ANGPT2: variants seen among roughly 807,000 people sequenced by gnomAD.
ANGPT2 encodes angiopoietin-2.
Under a neutral mutation model 62.9 loss-of-function variants are expected in ANGPT2, and 28 were observed. The ratio of observed to expected loss-of-function variants is 0.44; its 90% confidence interval spans 0.33 to 0.61. The LOEUF is 0.61. Ranked by LOEUF, ANGPT2 falls within the 20% of genes least tolerant of loss-of-function variation. The pLI is 0.03. For synonymous variants in ANGPT2, 284 were observed against 207.8 expected, an observed-to-expected ratio of 1.37 and a Z score of -3.15; for missense variants, 727 against 594.9, an observed-to-expected ratio of 1.22 and a Z score of -2.31.
intron 1 of ANGPT2, among the ~76,000 whole-genome samples, chr8:6,547,073 G>GAAGA (rs1822730413): frequency 6.6e-6 from 1 of 152,010 alleles, no homozygotes; most frequent in Admixed American, 6.6e-5. Context: ...TTGCCTTCGG[G>GAAGA]CTAATGCGTT....
chr8:6,540,977 G>A (rs780685075), intron 1 of ANGPT2, among the ~76,000 whole-genome samples: 1 of 152,260 alleles, frequency 6.6e-6, no homozygotes, highest in African/African-American at 2.4e-5. Context: ...CAGGGGGCAG[G>A]TGGAGCCTAG....
intron 2 of ANGPT2, among the ~76,000 whole-genome samples, chr8:6,528,824 G>C (rs1818889244): frequency 6.6e-6 from 1 of 152,222 alleles, no homozygotes; most frequent in Admixed American, 6.5e-5. Context: ...AGCCTTGGCT[G>C]GTCCACAGCG....
In ANGPT2 at chr8:6,499,750, C is replaced by A; in HGVS notation, c.*3351G>T. The A allele has an allele frequency of 2.2e-6, 2 of 926,860 alleles. No individual in the cohort carries two copies. The highest frequency in any genetic ancestry group is 3.6e-6 in the Non-Finnish European group (2 of 561,814). 57.4% of individuals were successfully genotyped at this position (926,860 alleles called of 1,614,324 possible). On this transcript the variant is annotated 3_prime_UTR_variant, in exon 9 of 9. Transcript: ENST00000629816. ...TGAGAACACATCTATTTCAGATCTG[C>A]GGAGTGTATCACTTTTTGCTGTGTC...
At chr8:6,545,695 T>G (rs1822461332) in intron 1 of ANGPT2, among the ~76,000 whole-genome samples, 1 of 152,148 alleles carries the variant, frequency 6.6e-6, no homozygotes, top group Non-Finnish European at 1.5e-5. Flanking sequence ...AGTCTAAAAA[T>G]AAATAATAAA....
intron 3 of ANGPT2, among the ~76,000 whole-genome samples, chr8:6,527,013 G>C (rs997109025): frequency 2.6e-5 from 4 of 152,158 alleles, no homozygotes; most frequent in African/African-American, 9.7e-5. Flanking sequence ...ATGTGCATTG[G>C]CTTACAGTAT....
intron 1 of ANGPT2, 77 bp from the exon 2 acceptor site, chr8:6,532,564 T>G: frequency 9.5e-6 from 8 of 841,224 alleles, no homozygotes; most frequent in Non-Finnish European, 1.3e-5. Context: ...TGTCGTCTCC[T>G]CCCTATCTTT....
chr8:6,503,345 G>A, intron 8 of ANGPT2, 84 bp from the exon 9 acceptor site: 1 of 1,446,466 alleles, frequency 6.9e-7, no homozygotes, highest in South Asian at 1.2e-5. Flanking sequence ...GCTAAGGCAG[G>A]AGGCACACTG....
At chr8:6,545,923 G>A (rs1360664000) in intron 1 of ANGPT2, among the ~76,000 whole-genome samples, 1 of 152,158 alleles carries the variant, frequency 6.6e-6, no homozygotes, top group Non-Finnish European at 1.5e-5. Context: ...ATAAAAAACT[G>A]AATAAAATAA....
intron 8 of ANGPT2, among the ~76,000 whole-genome samples, chr8:6,504,032 G>T (rs1185385845): frequency 6.6e-6 from 1 of 152,126 alleles, no homozygotes; most frequent in Non-Finnish European, 1.5e-5. Context: ...TATTCTATAA[G>T]CAGGGGCCGG....
At chr8:6,527,717 A>G in intron 2 of ANGPT2, 41 bp from the exon 3 acceptor site, 1 of 1,541,902 alleles carries the variant, frequency 6.5e-7, no homozygotes. Context: ...TTATTTTTTA[A>G]TTAGTTTAAC....
In ANGPT2 at chr8:6,499,929, C is replaced by G. The variant is rs35344839; in HGVS notation, c.*3172G>C. 1.2e-6 allele frequency: 2 copies of G among 1,613,056 alleles called. No homozygotes were observed. The highest frequency in any genetic ancestry group is 3.3e-5 in the Admixed American group (2 of 60,002). ...TGTCTCACCACTTCCCTGCAGCTCC[C>G]GTAAGTCAGATGTTGTTTTACGATG... On this transcript the variant is annotated 3_prime_UTR_variant, in exon 9 of 9. Coordinates refer to ENST00000629816, the MANE Select transcript of ANGPT2 (RefSeq NM_001118887.2).
At chr8:6,516,189 C>G (rs531895987) in intron 5 of ANGPT2, among the ~76,000 whole-genome samples, 28 of 152,300 alleles carry the variant, frequency 1.8e-4, no homozygotes, top group African/African-American at 6.5e-4. Context: ...GAAAATCAGT[C>G]TGCACAAGCT....
intron 8 of ANGPT2, among the ~76,000 whole-genome samples, chr8:6,506,307 A>T (rs1245516966): frequency 6.6e-6 from 1 of 152,134 alleles, no homozygotes; most frequent in African/African-American, 2.4e-5. Context: ...TTCATGGTCC[A>T]GACCACTGGC....
At chr8:6,520,676 G>A (rs1960240) in intron 4 of ANGPT2, among the ~76,000 whole-genome samples, 40,783 of 152,082 alleles carry the variant, frequency 0.27, 6,301 homozygotes, top group East Asian at 0.69. Flanking sequence ...AATTAGAGGC[G>A]TGATCCACCA....
intron 1 of ANGPT2, among the ~76,000 whole-genome samples, chr8:6,546,153 G>GA (rs1822541643): frequency 6.6e-6 from 1 of 152,212 alleles, no homozygotes. Context: ...ATGCTAGTGT[G>GA]AAAATTAAGT....
rs762948335 is a variant in ANGPT2 at position 6,503,268 on chromosome 8, A to G, written c.1328-7T>C. 4 of 1,613,956 alleles carry G rather than the reference A, an allele frequency of 2.5e-6. No homozygotes were observed. Among genetic ancestry groups the G allele is most frequent in the Admixed American group, 1.7e-5 (1 of 59,994 alleles). On this transcript the variant is annotated splice_region_variant and splice_polypyrimidine_tract_variant and intron_variant, in intron 8 of 8. Transcript: ENST00000629816. ...CATGCATCAAACCACCAGCCTGTGA[A>G]AGTAAAACACAGAAGGAATTAGGAA...
rs1817292864 is a variant in ANGPT2 at position 6,521,304 on chromosome 8, A to C, written c.673T>G (p.Ser225Ala). 1 of 1,613,690 alleles carries C rather than the reference A, an allele frequency of 6.2e-7. No individual in the cohort carries two copies. Among genetic ancestry groups the C allele is most frequent in the African/African-American group, 1.3e-5 (1 of 74,886 alleles). Residue 225 changes from serine (S) to alanine (A), a missense_variant, in exon 4 of 9, where the codon TCC becomes GCC. Coordinates refer to ENST00000629816, the MANE Select transcript of ANGPT2 (RefSeq NM_001118887.2). ...TTTTTTTCTAGTTCTTCAATGATGG[A>C]ATTTTGCTTGGATACTAACACCTGT... The part of the protein sequence containing the change: ...QLQVLVSKQN[S>A]IIEELEKKIV...
At chr8:6,507,733 C>G (rs1456817024) in intron 8 of ANGPT2, 3 of 151,966 alleles carry the variant, frequency 2.0e-5, no homozygotes, top group Non-Finnish European at 2.9e-5. Context: ...CAGGTGCCAG[C>G]CACCATGCCC....
chr8:6,506,322 A>G (rs1813720542), intron 8 of ANGPT2, among the ~76,000 whole-genome samples: 1 of 152,094 alleles, frequency 6.6e-6, no homozygotes, highest in Admixed American at 6.5e-5. Context: ...ACTGGCTGGA[A>G]TTTGACCTCT....
Sources: allele counts gnomAD v4.1 joint callset (sites outside exome capture counted in the v4.1 genomes callset), GRCh38; gene constraint gnomAD v4.1.1; transcripts MANE v1.5; gene names NCBI Gene and HGNC (gene_info 2026-07-23, HGNC 2026-07-21).